The following KCNIP4 variants were observed in gnomAD, a reference collection of about 807,000 sequenced individuals.
KCNIP4 encodes the protein Kv channel-interacting protein 4.
Under a neutral mutation model 34.0 loss-of-function variants are expected in KCNIP4, and 12 were observed. The ratio of observed to expected loss-of-function variants is 0.35; its 90% CI spans 0.23 to 0.57. The LOEUF (loss-of-function observed/expected upper bound fraction) is 0.57, where lower values mean the gene tolerates loss of function less well. KCNIP4 is among the 20% of genes least tolerant of loss of function. KCNIP4 has a pLI of 0.83. For missense variants in KCNIP4, 238 were observed against 311.7 expected, an observed-to-expected ratio of 0.76 and a Z score of 1.78; for synonymous variants, 124 against 102.2, an observed-to-expected ratio of 1.21 and a Z score of -1.29.
At chr4:21,798,512 GAAAAAAA>G (rs3052679) in intron 1 of KCNIP4, among the ~76,000 whole-genome samples, 56,329 of 102,340 alleles carry the variant, frequency 0.55, 13,451 homozygotes, top group East Asian at 0.7. Flanking sequence ...AAGACCCTGG[GAAAAAAA>G]AAAAAAAAAA....
chr4:20,962,128 A>G (rs1248258135), intron 1 of KCNIP4, among the ~76,000 whole-genome samples: 1 of 152,056 alleles, frequency 6.6e-6, no homozygotes, highest in African/African-American at 2.4e-5. Context: ...GCTTTGCTCA[A>G]TTTCTCCTCT....
At chr4:21,104,697 A>G (rs887879888) in intron 1 of KCNIP4, among the ~76,000 whole-genome samples, 1 of 151,640 alleles carries the variant, frequency 6.6e-6, no homozygotes, top group African/African-American at 2.4e-5. Context: ...ATTATTGCCT[A>G]TGTTTTCTTC....
intron 1 of KCNIP4, among the ~76,000 whole-genome samples, chr4:20,888,828 T>C (rs1463885777): frequency 2.6e-5 from 4 of 152,106 alleles, no homozygotes; most frequent in Admixed American, 2.6e-4. Flanking sequence ...ATATTCCTTT[T>C]GGTTTTTTTA....
In KCNIP4 at chr4:21,192,942, ACT is replaced by A. The variant is rs59819914; in HGVS notation, c.62-310235_62-310234del. On this transcript the variant is annotated intron_variant, in intron 1 of 8. Transcript: ENST00000382152. ...TACTACTACTACTACTACTACTACT[ACT>A]ACTACTACTAATAATAATAATAATT... Among the ~76,000 whole-genome samples, 120 of 145,792 alleles carry A rather than the reference ACT, an allele frequency of 8.2e-4. 2 individuals are homozygous for A. The highest frequency in any genetic ancestry group is 1.1e-3 in the African/African-American group (44 of 38,992).
intron 1 of KCNIP4, among the ~76,000 whole-genome samples, chr4:21,036,250 A>C (rs767557907): frequency 6.6e-6 from 1 of 152,184 alleles, no homozygotes; most frequent in South Asian, 2.1e-4. Context: ...TTCTGCTAGG[A>C]AATTCATGAT....
At chr4:20,892,367 C>T (rs543895675) in intron 1 of KCNIP4, among the ~76,000 whole-genome samples, 40 of 152,230 alleles carry the variant, frequency 2.6e-4, no homozygotes, top group African/African-American at 6.0e-4. Flanking sequence ...CTCTGTCAGC[C>T]TTTCCATCTC....
At chr4:21,433,789 A>G (rs1193558565) in intron 1 of KCNIP4, among the ~76,000 whole-genome samples, 1 of 152,194 alleles carries the variant, frequency 6.6e-6, no homozygotes, top group Non-Finnish European at 1.5e-5. Flanking sequence ...ATATTTGCTA[A>G]CACTTGTCAC....
At chr4:21,686,002 T>C (rs1750777369) in intron 1 of KCNIP4, among the ~76,000 whole-genome samples, 1 of 152,240 alleles carries the variant, frequency 6.6e-6, no homozygotes, top group Non-Finnish European at 1.5e-5. Context: ...TTTATAGAAC[T>C]GGCTTCCTAG....
chr4:21,072,041 A>G (rs1166372312), intron 1 of KCNIP4, among the ~76,000 whole-genome samples: 1 of 152,172 alleles, frequency 6.6e-6, no homozygotes, highest in East Asian at 1.9e-4. Flanking sequence ...CCAGTCTGTC[A>G]TTGATGGACA....
chr4:21,696,169 T>C (rs1712289409), intron 1 of KCNIP4, among the ~76,000 whole-genome samples: 1 of 152,140 alleles, frequency 6.6e-6, no homozygotes, highest in Non-Finnish European at 1.5e-5. Context: ...TAATATTTGA[T>C]GATGCTCTCT....
At chr4:20,874,978 TCCA>T (rs1452108558) in intron 2 of KCNIP4, among the ~76,000 whole-genome samples, 1 of 152,080 alleles carries the variant, frequency 6.6e-6, no homozygotes, top group Non-Finnish European at 1.5e-5. Flanking sequence ...CTTTGAAACC[TCCA>T]CCATTTGTCA....
chr4:20,737,537 A>G (rs1749936958), intron 5 of KCNIP4, among the ~76,000 whole-genome samples: 1 of 152,092 alleles, frequency 6.6e-6, no homozygotes, highest in African/African-American at 2.4e-5. Context: ...ATGAGACAGA[A>G]GAACATGGTG....
intron 1 of KCNIP4, among the ~76,000 whole-genome samples, chr4:21,097,965 A>G (rs947682145): frequency 9.2e-5 from 14 of 152,170 alleles, no homozygotes; most frequent in Non-Finnish European, 1.2e-4. Flanking sequence ...TCTTGAAGAA[A>G]ATTAAAAGTG....
intron 1 of KCNIP4, among the ~76,000 whole-genome samples, chr4:21,309,493 A>C (rs1400911349): frequency 6.6e-6 from 1 of 152,362 alleles, no homozygotes; most frequent in East Asian, 1.9e-4. Context: ...AAATTAAAAA[A>C]ATATATCCTT....
intron 1 of KCNIP4, among the ~76,000 whole-genome samples, chr4:21,127,833 A>C (rs1401924772): frequency 1.3e-5 from 2 of 152,178 alleles, no homozygotes. Flanking sequence ...TTAATCAATC[A>C]CTTTTTGCTA....
intron 1 of KCNIP4, among the ~76,000 whole-genome samples, chr4:21,453,408 A>G (rs1045350945): frequency 3.3e-5 from 5 of 152,090 alleles, no homozygotes; most frequent in Non-Finnish European, 7.4e-5. Context: ...TTTACCTCAT[A>G]TTACAGGTGA....
intron 1 of KCNIP4, among the ~76,000 whole-genome samples, chr4:20,960,343 T>C (rs1733729401): frequency 6.6e-6 from 1 of 152,194 alleles, no homozygotes. Flanking sequence ...TGGCCAGGTT[T>C]CTATTAAATG....
chr4:21,857,460 A>G (rs923247310), intron 1 of KCNIP4, among the ~76,000 whole-genome samples: 22 of 151,926 alleles, frequency 1.4e-4, no homozygotes, highest in African/African-American at 4.8e-4. Context: ...AGCTGAGAAG[A>G]TGATGGAATG....
At chr4:21,326,695 T>C (rs1337766840) in intron 1 of KCNIP4, among the ~76,000 whole-genome samples, 1 of 132,998 alleles carries the variant, frequency 7.5e-6, no homozygotes, top group African/African-American at 2.9e-5. Context: ...TGTTTTCTGG[T>C]TGTTTTTTCG....
Sources: gnomAD v4.1 joint callset for allele counts (sites outside exome capture counted in the v4.1 genomes callset) on GRCh38, gnomAD v4.1.1 for gene constraint, MANE v1.5 for transcripts, NCBI Gene and HGNC (gene_info 2026-07-23, HGNC 2026-07-21) for gene names.